The following DPP6 variants were observed in gnomAD, a reference collection of about 807,000 sequenced individuals.
DPP6 encodes the protein A-type potassium channel modulatory protein DPP6.
Under a neutral mutation model 122.6 loss-of-function variants are expected in DPP6, and 69 were observed. That is an observed-to-expected ratio of 0.56 (90% CI 0.46 to 0.69). DPP6 has a LOEUF of 0.69. Ranked by LOEUF, DPP6 falls within the 30% of genes least tolerant of loss-of-function variation. The pLI, the probability that DPP6 is intolerant of heterozygous loss-of-function variation, is 0.00. For synonymous variants in DPP6, 418 were observed against 433.1 expected (o/e 0.97, Z 0.43); for missense variants, 928 against 1,116.9 (o/e 0.83, Z 2.41).
intron 1 of DPP6, among the ~76,000 whole-genome samples, chr7:153,902,870 G>GCTTT (rs1301119882): frequency 2.6e-5 from 4 of 152,030 alleles, no homozygotes; most frequent in African/African-American, 9.7e-5. Context: ...AGTTTTCTTA[G>GCTTT]GTAAAGCTCT....
intron 1 of DPP6, among the ~76,000 whole-genome samples, chr7:153,900,623 G>C (rs945638927): frequency 3.3e-5 from 5 of 152,014 alleles, no homozygotes; most frequent in African/African-American, 1.2e-4. Flanking sequence ...TTATCTCGAG[G>C]GTAACACCAA....
intron 1 of DPP6, among the ~76,000 whole-genome samples, chr7:154,016,088 G>C (rs1798397369): frequency 1.3e-5 from 2 of 152,144 alleles, no homozygotes; most frequent in Admixed American, 1.3e-4. Flanking sequence ...TGCCCCGAAG[G>C]CTCTCTCATA....
Position 154,061,837 on chromosome 7 carries a change from C to G in DPP6, c.243+8774C>G, listed in dbSNP as rs569861092. On this transcript the variant is annotated intron_variant, in intron 1 of 25. Coordinates refer to ENST00000377770, the MANE Select transcript of DPP6 (RefSeq NM_130797.4). ...GCGAGCCCCTCTTCCCCCCTTTGCT[C>G]TTAGGATCCCCATCGCTGGGGGCGG... is the stretch of plus-strand genomic sequence containing the variant. Among the ~76,000 whole-genome samples the G allele has an allele frequency of 4.4e-3, 577 of 132,526 alleles. 25 individuals are homozygous for G. The highest frequency in any genetic ancestry group is 0.016 in the African/African-American group (544 of 34,542). 86.9% of individuals were successfully genotyped at this position (132,526 alleles called of 152,430 possible).
intron 1 of DPP6, among the ~76,000 whole-genome samples, chr7:154,135,462 G>A: frequency 6.7e-6 from 1 of 148,566 alleles, no homozygotes. Context: ...TCCTATCTGT[G>A]TACTTCCTGT....
At chr7:154,492,654 T>G (rs1824380586) in intron 3 of DPP6, among the ~76,000 whole-genome samples, 1 of 152,122 alleles carries the variant, frequency 6.6e-6, no homozygotes, top group African/African-American at 2.4e-5. Context: ...ATTTTACATA[T>G]GAGGAAACTG....
the DPP6 span, among the ~76,000 whole-genome samples, chr7:153,775,787 G>C: frequency 4.6e-5 from 7 of 152,152 alleles, 1 homozygote; most frequent in Non-Finnish European, 1.0e-4. Context: ...TGTTCTAGCA[G>C]TGCATATGGT....
intron 20 of DPP6, chr7:154,876,418 A>G (rs1804864905): frequency 3.6e-6 from 1 of 275,012 alleles, no homozygotes; most frequent in African/African-American, 2.2e-5. Context: ...GTGTCCACGC[A>G]TGTCTTTGCC....
intron 1 of DPP6, among the ~76,000 whole-genome samples, chr7:154,345,714 C>G (rs1201127503): frequency 6.6e-6 from 1 of 152,162 alleles, no homozygotes; most frequent in Non-Finnish European, 1.5e-5. Context: ...TGTGTGGACT[C>G]TGCCATATGC....
At chr7:154,141,354 G>A (rs999167850) in intron 1 of DPP6, among the ~76,000 whole-genome samples, 3 of 151,982 alleles carry the variant, frequency 2.0e-5, no homozygotes, top group African/African-American at 4.8e-5. Flanking sequence ...TCCTCAGTGC[G>A]ACTCCCATCA....
chr7:154,473,220 T>C (rs1822441892), intron 2 of DPP6, among the ~76,000 whole-genome samples: 1 of 152,236 alleles, frequency 6.6e-6, no homozygotes, highest in Non-Finnish European at 1.5e-5. Context: ...TGTCTAGTAA[T>C]TTTTAAAATT....
At chr7:154,097,716 A>T (rs973332387) in intron 1 of DPP6, among the ~76,000 whole-genome samples, 3 of 152,236 alleles carry the variant, frequency 2.0e-5, no homozygotes, top group Non-Finnish European at 4.4e-5. Flanking sequence ...CAGGCCTTCC[A>T]GGAGCACGCA....
At chr7:154,293,858 C>G (rs1805362640) in intron 1 of DPP6, among the ~76,000 whole-genome samples, 1 of 152,120 alleles carries the variant, frequency 6.6e-6, no homozygotes, top group Non-Finnish European at 1.5e-5. Context: ...CTCAGGTTTT[C>G]CAAAAGTTCT....
At chr7:154,388,990 C>T (rs1051730748) in intron 1 of DPP6, among the ~76,000 whole-genome samples, 14 of 152,076 alleles carry the variant, frequency 9.2e-5, no homozygotes, top group East Asian at 1.9e-4. Context: ...GTCCCCTGAG[C>T]GTTTTGATTT....
At chr7:154,438,417 T>C (rs1252382543) in intron 1 of DPP6, among the ~76,000 whole-genome samples, 7 of 120,688 alleles carry the variant, frequency 5.8e-5, no homozygotes, top group Admixed American at 1.2e-4. Flanking sequence ...TTGCAGTGAG[T>C]CGAGATAGCA....
chr7:153,862,391 C>T, the DPP6 span, among the ~76,000 whole-genome samples: 1 of 152,170 alleles, frequency 6.6e-6, no homozygotes, highest in Non-Finnish European at 1.5e-5. Flanking sequence ...TCCACTCTGA[C>T]ATCTCAGCTC....
At chr7:154,564,774 C>T (rs556035878) in intron 4 of DPP6, among the ~76,000 whole-genome samples, 7 of 152,326 alleles carry the variant, frequency 4.6e-5, no homozygotes, top group African/African-American at 1.7e-4. Flanking sequence ...GTGATAATCA[C>T]AGCACTTTTG....
At chr7:154,806,562 C>T (rs929722476) in intron 15 of DPP6, among the ~76,000 whole-genome samples, 3 of 152,294 alleles carry the variant, frequency 2.0e-5, no homozygotes, top group South Asian at 4.1e-4. Context: ...CACATGCCAG[C>T]GTTTGGAACC....
chr7:153,888,197 C>T (rs1041275230), intron 1 of DPP6, among the ~76,000 whole-genome samples: 5 of 152,222 alleles, frequency 3.3e-5, no homozygotes, highest in Admixed American at 1.3e-4. Context: ...TCTGCGGAGC[C>T]TTCGGTGCTC....
At chr7:154,579,377 A>C (rs1311907761) in intron 5 of DPP6, among the ~76,000 whole-genome samples, 1 of 152,116 alleles carries the variant, frequency 6.6e-6, no homozygotes, top group African/African-American at 2.4e-5. Flanking sequence ...AAAAAGAAAA[A>C]TCTTATGTTT....
Sources: gnomAD v4.1 joint callset for allele counts (sites outside exome capture counted in the v4.1 genomes callset) on GRCh38, gnomAD v4.1.1 for gene constraint, MANE v1.5 for transcripts, NCBI Gene and HGNC (gene_info 2026-07-23, HGNC 2026-07-21) for gene names.